The following CCDC171 variants were observed in gnomAD, a reference collection of about 807,000 sequenced individuals.
CCDC171 encodes the protein coiled-coil domain-containing protein 171.
CCDC171 carries 177 observed loss-of-function variants against 168.2 expected under a neutral mutation model. That is an observed-to-expected ratio of 1.05 (90% CI 0.93 to 1.19). The LOEUF is 1.19. Among genes scored for constraint, CCDC171 ranks in the 50% most tolerant of loss-of-function variants. CCDC171 has a pLI of 0.00. For missense variants in CCDC171, 1,991 were observed against 1,539.0 expected (o/e 1.29, Z -4.91); for synonymous variants, 687 against 540.8 (o/e 1.27, Z -3.75).
At chr9:15,765,080 T>A (rs1274520523) in intron 18 of CCDC171, among the ~76,000 whole-genome samples, 2 of 152,232 alleles carry the variant, frequency 1.3e-5, no homozygotes, top group African/African-American at 4.8e-5. Context: ...GGAATGCTGC[T>A]GCTAAGGTGA....
At chr9:15,620,813 G>A (rs1393473278) in intron 6 of CCDC171, among the ~76,000 whole-genome samples, 1 of 152,116 alleles carries the variant, frequency 6.6e-6, no homozygotes, top group Non-Finnish European at 1.5e-5. Flanking sequence ...TAAGAAACTG[G>A]CACTGACTGC....
At position 15,593,085 on chromosome 9, in the gene CCDC171, C is replaced by T. The variant is rs142494298; in HGVS notation, c.544-956C>T. Among the ~76,000 whole-genome samples, 264 of 152,000 alleles carry T rather than the reference C, an allele frequency of 1.7e-3. 2 individuals are homozygous for T. Among genetic ancestry groups the T allele is most frequent in the African/African-American group, 6.0e-3 (247 of 41,480 alleles). ...CCCCTTCACTAATCTGCACAGAGAC[C>T]CTTGGGACAGTTTGGAGTTGAATCT... On this transcript the variant is annotated intron_variant, in intron 5 of 25. Coordinates refer to ENST00000380701, the MANE Select transcript of CCDC171 (RefSeq NM_173550.4).
At chr9:15,869,067 A>G (rs2061914409) in intron 23 of CCDC171, among the ~76,000 whole-genome samples, 1 of 152,038 alleles carries the variant, frequency 6.6e-6, no homozygotes, top group Admixed American at 6.6e-5. Flanking sequence ...AATGAAAAGG[A>G]GAAAAAGTTT....
chr9:16,022,230 T>G (rs1196120457), intron 4 of CCDC171: 2 of 152,272 alleles, frequency 1.3e-5, no homozygotes, highest in East Asian at 3.8e-4. Context: ...GGAATGGTCT[T>G]GAACGTACTG....
chr9:16,050,859 C>G (rs1046778083), intron 1 of CCDC171, among the ~76,000 whole-genome samples: 1 of 152,152 alleles, frequency 6.6e-6, no homozygotes, highest in African/African-American at 2.4e-5. Flanking sequence ...CTGAGGTTGT[C>G]CTTCCAGGTA....
chr9:16,007,834 G>A (rs916663232), intron 3 of CCDC171, among the ~76,000 whole-genome samples: 4 of 152,154 alleles, frequency 2.6e-5, no homozygotes, highest in Admixed American at 2.0e-4. Context: ...GGTTACTGTA[G>A]CCTTGTAGTA....
intron 6 of CCDC171, among the ~76,000 whole-genome samples, chr9:16,034,624 C>T (rs1031176977): frequency 2.0e-5 from 3 of 152,272 alleles, no homozygotes; most frequent in Admixed American, 6.5e-5. Flanking sequence ...AGCCTCCTGT[C>T]GTAGTTCTGT....
intron 23 of CCDC171, among the ~76,000 whole-genome samples, chr9:15,850,730 G>T (rs1377651688): frequency 6.6e-6 from 1 of 151,930 alleles, no homozygotes; most frequent in Admixed American, 6.6e-5. Flanking sequence ...TCAGGAAGAT[G>T]CAGGCCCACC....
intron 18 of CCDC171, among the ~76,000 whole-genome samples, chr9:15,764,055 G>C (rs1363352704): frequency 6.6e-6 from 1 of 152,156 alleles, no homozygotes; most frequent in African/African-American, 2.4e-5. Context: ...CTGAAGTGCA[G>C]AAACCCTAAC....
chr9:15,808,999 G>A (rs1176246443), intron 21 of CCDC171, among the ~76,000 whole-genome samples: 3 of 151,956 alleles, frequency 2.0e-5, no homozygotes, highest in African/African-American at 7.3e-5. Context: ...GCAGCTCTAG[G>A]GAGCTCTTTG....
chr9:15,904,532 T>C (rs1177480287), intron 24 of CCDC171, among the ~76,000 whole-genome samples: 11 of 151,720 alleles, frequency 7.3e-5, no homozygotes. Context: ...GCACTAAACA[T>C]GGAAAGGGAC....
At chr9:15,605,933 C>T (rs1006021588) in intron 6 of CCDC171, among the ~76,000 whole-genome samples, 6 of 152,090 alleles carry the variant, frequency 3.9e-5, no homozygotes, top group African/African-American at 1.4e-4. Flanking sequence ...GTAGCCTTTC[C>T]CTTACCTGTG....
chr9:15,715,751 A>G (rs2053034768), intron 11 of CCDC171, among the ~76,000 whole-genome samples: 1 of 152,218 alleles, frequency 6.6e-6, no homozygotes, highest in Non-Finnish European at 1.5e-5. Context: ...GATAGACTCC[A>G]TTCATGAAAA....
At chr9:15,726,699 A>C (rs963687989) in intron 14 of CCDC171, among the ~76,000 whole-genome samples, 2 of 152,258 alleles carry the variant, frequency 1.3e-5, no homozygotes, top group East Asian at 3.9e-4. Flanking sequence ...AATGTTCTCT[A>C]TAATTTCTAA....
intron 3 of CCDC171, among the ~76,000 whole-genome samples, chr9:16,005,045 C>A (rs1273799482): frequency 2.0e-5 from 3 of 152,058 alleles, no homozygotes; most frequent in African/African-American, 7.2e-5. Context: ...ATATAATTCA[C>A]CCATTAAAGT....
chr9:15,722,978 A>G (rs888725303), intron 12 of CCDC171, among the ~76,000 whole-genome samples: 1 of 152,154 alleles, frequency 6.6e-6, no homozygotes, highest in Non-Finnish European at 1.5e-5. Flanking sequence ...GTTATTTGGG[A>G]GGATGAATGT....
chr9:15,914,541 G>A (rs1406337376), intron 24 of CCDC171, among the ~76,000 whole-genome samples: 1 of 152,164 alleles, frequency 6.6e-6, no homozygotes, highest in Non-Finnish European at 1.5e-5. Flanking sequence ...CTGCTGTGCT[G>A]GCAGCGAGAA....
chr9:15,632,950 G>T (rs2045861522), intron 7 of CCDC171, among the ~76,000 whole-genome samples: 1 of 152,192 alleles, frequency 6.6e-6, no homozygotes, highest in Admixed American at 6.5e-5. Flanking sequence ...AAATGGTGCT[G>T]GGAAAACTGG....
chr9:15,716,728 G>A (rs536464080), intron 11 of CCDC171, among the ~76,000 whole-genome samples: 110 of 152,232 alleles, frequency 7.2e-4, no homozygotes, highest in Non-Finnish European at 1.3e-3. Flanking sequence ...CAAGAGTTGG[G>A]GAGAACTGAC....
Sources: allele counts gnomAD v4.1 joint callset (sites outside exome capture counted in the v4.1 genomes callset), GRCh38; gene constraint gnomAD v4.1.1; transcripts MANE v1.5; gene names NCBI Gene and HGNC (gene_info 2026-07-23, HGNC 2026-07-21).